The following SPAG16 variants were observed in gnomAD, a reference collection of about 807,000 sequenced individuals.
The protein encoded by SPAG16 is sperm-associated antigen 16 protein.
Under a neutral mutation model 80.4 loss-of-function variants are expected in SPAG16, and 86 were observed. The observed-to-expected ratio is 1.07, with a 90% confidence interval of 0.90 to 1.28. The LOEUF (loss-of-function observed/expected upper bound fraction) is 1.28, where lower values mean the gene tolerates loss of function less well. SPAG16 is among the 50% of genes most tolerant of loss of function. SPAG16 has a pLI of 0.00. For synonymous variants in SPAG16, 294 were observed against 265.9 expected, an observed-to-expected ratio of 1.11 and a Z score of -1.03; for missense variants, 870 against 765.3, an observed-to-expected ratio of 1.14 and a Z score of -1.61.
chr2:213,497,709 A>G (rs1333657509), intron 10 of SPAG16, among the ~76,000 whole-genome samples: 11 of 152,160 alleles, frequency 7.2e-5, no homozygotes, highest in Admixed American at 2.0e-4. Flanking sequence ...CCAACAATAC[A>G]TAAAAATCCC....
At chr2:213,584,646 G>A (rs1041324116) in intron 10 of SPAG16, among the ~76,000 whole-genome samples, 1 of 151,714 alleles carries the variant, frequency 6.6e-6, no homozygotes, top group Non-Finnish European at 1.5e-5. Flanking sequence ...AAGGATGAAC[G>A]GACAGACGGA....
intron 10 of SPAG16, among the ~76,000 whole-genome samples, chr2:213,647,403 C>T (rs1178761441): frequency 6.6e-6 from 1 of 152,162 alleles, no homozygotes; most frequent in African/African-American, 2.4e-5. Context: ...CTGCTTCTTT[C>T]ACCTTTCTTT....
At chr2:214,288,663 T>C (rs1171309444) in intron 15 of SPAG16, among the ~76,000 whole-genome samples, 1 of 152,134 alleles carries the variant, frequency 6.6e-6, no homozygotes, top group Non-Finnish European at 1.5e-5. Context: ...GTTTTAATTT[T>C]CATTTCCCTG....
At chr2:214,387,443 T>C (rs1700824427) in intron 15 of SPAG16, among the ~76,000 whole-genome samples, 1 of 152,212 alleles carries the variant, frequency 6.6e-6, no homozygotes, top group Non-Finnish European at 1.5e-5. Context: ...AATTTTATGA[T>C]TTATAGTCAC....
intron 10 of SPAG16, among the ~76,000 whole-genome samples, chr2:213,787,369 G>A (rs1014837500): frequency 9.2e-5 from 14 of 152,144 alleles, no homozygotes; most frequent in Admixed American, 9.2e-4. Flanking sequence ...GAGCTACTAA[G>A]CTACTATTTA....
chr2:214,148,859 C>T (rs1009650107), intron 14 of SPAG16, among the ~76,000 whole-genome samples: 15 of 151,702 alleles, frequency 9.9e-5, no homozygotes, highest in African/African-American at 3.1e-4. Flanking sequence ...TTGTCTGAAA[C>T]GTTAACTCCA....
At chr2:214,208,381 G>A (rs1033856581) in intron 15 of SPAG16, among the ~76,000 whole-genome samples, 2 of 152,150 alleles carry the variant, frequency 1.3e-5, no homozygotes, top group East Asian at 1.9e-4. Context: ...CTGATTAGAC[G>A]CCAAAATGGT....
chr2:214,140,613 C>T (rs964608841), intron 14 of SPAG16, among the ~76,000 whole-genome samples: 14 of 151,814 alleles, frequency 9.2e-5, no homozygotes, highest in Admixed American at 2.6e-4. Flanking sequence ...TATTTTAAAA[C>T]GTCATTTGTC....
intron 10 of SPAG16, among the ~76,000 whole-genome samples, chr2:213,656,774 A>G (rs1446379697): frequency 1.3e-5 from 2 of 152,210 alleles, no homozygotes; most frequent in Non-Finnish European, 2.9e-5. Flanking sequence ...AAGAATCTCA[A>G]TATTTTATAT....
At chr2:214,320,366 T>G (rs1227450492) in intron 15 of SPAG16, among the ~76,000 whole-genome samples, 1 of 152,240 alleles carries the variant, frequency 6.6e-6, no homozygotes, top group East Asian at 1.9e-4. Flanking sequence ...CCCATGATAC[T>G]CTAGCCTTTC....
chr2:213,535,323 A>G (rs919467073), intron 10 of SPAG16, among the ~76,000 whole-genome samples: 1 of 152,142 alleles, frequency 6.6e-6, no homozygotes, highest in African/African-American at 2.4e-5. Context: ...AAACATTTAA[A>G]TAACTACATA....
intron 12 of SPAG16, among the ~76,000 whole-genome samples, chr2:214,008,437 A>G (rs868115451): frequency 2.0e-5 from 3 of 151,448 alleles, no homozygotes; most frequent in Non-Finnish European, 2.9e-5. Context: ...CATATGTAGC[A>G]TTTAAAAAAA....
chr2:213,491,012 C>T (rs981542848), intron 10 of SPAG16, among the ~76,000 whole-genome samples: 1 of 152,118 alleles, frequency 6.6e-6, no homozygotes, highest in Non-Finnish European at 1.5e-5. Flanking sequence ...CATGTGCAAT[C>T]TACTTCCTAA....
intron 12 of SPAG16, among the ~76,000 whole-genome samples, chr2:213,961,213 T>C (rs963453802): frequency 1.3e-5 from 2 of 152,228 alleles, no homozygotes; most frequent in African/African-American, 4.8e-5. Flanking sequence ...CTGCCATCTC[T>C]CCAAAATTTT....
intron 10 of SPAG16, among the ~76,000 whole-genome samples, chr2:213,861,663 A>G (rs1268968465): frequency 6.6e-6 from 1 of 152,202 alleles, no homozygotes. Flanking sequence ...ATGAAACTTT[A>G]TACAAATAAG....
At chr2:213,357,949 C>G (rs2065758897) in intron 7 of SPAG16, among the ~76,000 whole-genome samples, 1 of 152,156 alleles carries the variant, frequency 6.6e-6, no homozygotes, top group Admixed American at 6.5e-5. Context: ...TAAGGCAGGC[C>G]TGGTAGTAAC....
intron 10 of SPAG16, among the ~76,000 whole-genome samples, chr2:213,771,465 C>T (rs769475213): frequency 5.9e-5 from 9 of 152,044 alleles, no homozygotes; most frequent in African/African-American, 9.7e-5. Flanking sequence ...AATTAGATCC[C>T]ATTTGTCAAT....
intron 10 of SPAG16, among the ~76,000 whole-genome samples, chr2:213,815,641 G>A (rs1169087105): frequency 6.6e-6 from 1 of 151,666 alleles, no homozygotes; most frequent in African/African-American, 2.4e-5. Flanking sequence ...TATCCCTTTG[G>A]GCCCCTTTGT....
chr2:213,867,412 C>T (rs912801732), intron 11 of SPAG16, among the ~76,000 whole-genome samples: 8 of 152,178 alleles, frequency 5.3e-5, no homozygotes, highest in African/African-American at 1.4e-4. Flanking sequence ...AGAGGTCATA[C>T]GAGTGGCTCG....
Sources: allele counts gnomAD v4.1 joint callset (sites outside exome capture counted in the v4.1 genomes callset), GRCh38; gene constraint gnomAD v4.1.1; transcripts MANE v1.5; gene names NCBI Gene and HGNC (gene_info 2026-07-23, HGNC 2026-07-21).